Variants in SMUG1 observed in about 807,000 individuals in gnomAD.
SMUG1 encodes single-strand selective monofunctional uracil DNA glycosylase.
SMUG1 carries 13 observed loss-of-function variants against 23.9 expected under a neutral mutation model. The observed-to-expected ratio is 0.54, with a 90% CI of 0.35 to 0.86. SMUG1 has a LOEUF of 0.86. Ranked by LOEUF, SMUG1 falls within the 40% of genes least tolerant of loss-of-function variation. The probability of loss-of-function intolerance (pLI) is 0.01; values close to 1 mark genes in which losing one functional copy is unlikely to be tolerated. For missense variants in SMUG1, 313 were observed against 339.5 expected, an observed-to-expected ratio of 0.92 and a Z score of 0.61; for synonymous variants, 133 against 139.8, an observed-to-expected ratio of 0.95 and a Z score of 0.34.
At chr12:54,169,862 T>G (rs757536677) in intron 3 of SMUG1, among the ~76,000 whole-genome samples, 3 of 152,140 alleles carry the variant, frequency 2.0e-5, no homozygotes, top group Admixed American at 6.5e-5. Context: ...CACTCAGCTA[T>G]GTTTAGGGCC....
chr12:54,182,575 C>T lies in SMUG1; in HGVS notation c.334G>A (p.Gly112Arg). ...TCTTGGGGAGGGGTCAGCACAGGCC[C>T]CACAATGCCCAACCAGTCCCGGACC... ...SMVRDWLGIV[G>R]PVLTPPQEHP... Residue 112 changes from glycine to arginine, a missense_variant, in exon 4 of 4, where the codon GGG (glycine) becomes AGG (arginine). Coordinates refer to ENST00000682136, the MANE Select transcript of SMUG1 (RefSeq NM_001243787.2). 1 of 1,614,096 alleles carries T rather than the reference C, an allele frequency of 6.2e-7. No individual in the cohort carries two copies.
At chr12:54,171,965 TG>T in intron 3 of SMUG1, 1 of 405,312 alleles carries the variant, frequency 2.5e-6, no homozygotes, top group East Asian at 7.5e-5. Context: ...ATCAAAAATT[TG>T]ACCACTCCTC....
intron 1 of SMUG1, 24 bp from the exon 2 acceptor site, chr12:54,187,926 C>T (rs1208113335): frequency 6.6e-6 from 1 of 152,102 alleles, no homozygotes; most frequent in Non-Finnish European, 1.5e-5. Flanking sequence ...AAATAAACAA[C>T]TAACTGTAAT....
chr12:54,165,576 G>A (rs1940428841), intron 3 of SMUG1: 1 of 152,200 alleles, frequency 6.6e-6, no homozygotes, highest in African/African-American at 2.4e-5. Flanking sequence ...GGAAACTAAA[G>A]TGGGAAGACC....
At chr12:54,187,605 A>G (rs968431387) in intron 2 of SMUG1, among the ~76,000 whole-genome samples, 2 of 152,234 alleles carry the variant, frequency 1.3e-5, no homozygotes, top group African/African-American at 2.4e-5. Flanking sequence ...GAGTGGCAAG[A>G]TACTACTTTC....
downstream of SMUG1, among the ~76,000 whole-genome samples, chr12:54,178,443 C>T (rs1030015965): frequency 2.6e-5 from 4 of 152,174 alleles, no homozygotes; most frequent in Admixed American, 2.6e-4. Context: ...CCCACTATCT[C>T]ATCACCTAGA....
In SMUG1 at chr12:54,185,520, AT is replaced by A; in HGVS notation, c.-19-1562del. ...AATAAATAAATAAATAAATAAATAA[AT>A]AAATAAATTTGCCGGGCGCAACAGC... On this transcript the variant is annotated intron_variant, in intron 2 of 3. Coordinates refer to ENST00000682136, the MANE Select transcript of SMUG1 (RefSeq NM_001243787.2). Among the ~76,000 whole-genome samples the A allele has an allele frequency of 4.5e-5, 5 of 110,784 alleles. 1 individual carries two copies. Among genetic ancestry groups the A allele is most frequent in the Admixed American group, 9.4e-5 (1 of 10,584 alleles). 72.7% of individuals were successfully genotyped at this position (110,784 alleles called of 152,430 possible). A position where few individuals can be genotyped will look rare whatever the true frequency, so the allele number is the denominator to read the frequency against.
chr12:54,183,483 A>T, intron 3 of SMUG1, 173 bp downstream of exon 3: 1 of 646,498 alleles, frequency 1.5e-6, no homozygotes, highest in Middle Eastern at 2.5e-4. Flanking sequence ...ACGGGCAGAG[A>T]CGCTGGGAGA....
At chr12:54,174,556 A>G (rs1940707433) in intron 2 of SMUG1, among the ~76,000 whole-genome samples, 1 of 152,244 alleles carries the variant, frequency 6.6e-6, no homozygotes, top group East Asian at 1.9e-4. Context: ...ATCCAGGTAG[A>G]TGGAAGGACA....
intron 2 of SMUG1, chr12:54,172,934 C>G (rs1940659231): frequency 6.6e-6 from 1 of 152,482 alleles, no homozygotes; most frequent in African/African-American, 2.4e-5. Flanking sequence ...GCCTTCCCCA[C>G]GGGCACACAG....
At chr12:54,186,377 C>G (rs1051030961) in intron 2 of SMUG1, among the ~76,000 whole-genome samples, 1 of 149,964 alleles carries the variant, frequency 6.7e-6, no homozygotes, top group Non-Finnish European at 1.5e-5. Flanking sequence ...GAATCTTGCT[C>G]TGTCGCCCAG....
chr12:54,165,939 G>A (rs945762895), intron 3 of SMUG1, among the ~76,000 whole-genome samples: 12 of 152,202 alleles, frequency 7.9e-5, no homozygotes, highest in African/African-American at 2.9e-4. Flanking sequence ...GATCAACATT[G>A]AGGACCTGGA....
intron 2 of SMUG1, chr12:54,187,443 G>C (rs1185514091): frequency 3.3e-5 from 5 of 152,204 alleles, no homozygotes; most frequent in Non-Finnish European, 7.3e-5. Flanking sequence ...GTGCTGTGGA[G>C]AACGCCAGTG....
At chr12:54,179,378 G>C (rs1940832039), downstream of SMUG1, among the ~76,000 whole-genome samples, 1 of 152,026 alleles carries the variant, frequency 6.6e-6, no homozygotes, top group African/African-American at 2.4e-5. Context: ...CCAGTCTTAA[G>C]GCCACCTGAA....
At chr12:54,172,080 A>G (rs1940634835) in exon 3 of SMUG1, 2 of 455,392 alleles carry the variant, frequency 4.4e-6, no homozygotes, top group African/African-American at 2.0e-5. Flanking sequence ...TGTTTTCTCA[A>G]TCTGTTCTCA....
At chr12:54,163,732 T>C (rs1183455828), downstream of SMUG1, among the ~76,000 whole-genome samples, 1 of 152,210 alleles carries the variant, frequency 6.6e-6, no homozygotes, top group African/African-American at 2.4e-5. Context: ...CAATTCTGAT[T>C]AACTGTGAGT....
chr12:54,160,537 T>A (rs532946394), downstream of SMUG1, among the ~76,000 whole-genome samples: 14 of 152,282 alleles, frequency 9.2e-5, no homozygotes, highest in Non-Finnish European at 1.5e-4. Flanking sequence ...CCCACTCCCA[T>A]TCTGGGACAG....
At chr12:54,188,295 A>AATAAATAATAATAAT (rs869289712) in intron 1 of SMUG1, among the ~76,000 whole-genome samples, 1 of 68,892 alleles carries the variant, frequency 1.5e-5, no homozygotes, top group African/African-American at 4.5e-5. Context: ...TAATAATAAT[A>AATAAATAATAATAAT]AATAATAATA....
downstream of SMUG1, among the ~76,000 whole-genome samples, chr12:54,176,943 G>C (rs1039130859): frequency 2.6e-5 from 4 of 152,124 alleles, no homozygotes; most frequent in Non-Finnish European, 4.4e-5. Context: ...AGTTGAGTTT[G>C]TGTGTTTTGG....
Sources: allele counts gnomAD v4.1 joint callset (sites outside exome capture counted in the v4.1 genomes callset), GRCh38; gene constraint gnomAD v4.1.1; transcripts MANE v1.5; gene names NCBI Gene and HGNC (gene_info 2026-07-23, HGNC 2026-07-21).